Variants in TMEM50B observed in about 807,000 individuals in gnomAD.
The protein encoded by TMEM50B is transmembrane protein 50B.
A neutral mutation model predicts 23.4 loss-of-function variants in TMEM50B; 14 were observed. The ratio of observed to expected loss-of-function variants is 0.60; its 90% CI spans 0.39 to 0.93. TMEM50B has a LOEUF of 0.93. Among genes scored for constraint, TMEM50B ranks in the 40% least tolerant of loss-of-function variants. TMEM50B has a pLI of 0.00. For synonymous variants in TMEM50B, 64 were observed against 62.3 expected, an observed-to-expected ratio of 1.03 and a Z score of -0.13; for missense variants, 159 against 193.0, an observed-to-expected ratio of 0.82 and a Z score of 1.04.
At chr21:33,438,668 G>A (rs878867055) in intron 8 of TMEM50B, among the ~76,000 whole-genome samples, 1 of 151,894 alleles carries the variant, frequency 6.6e-6, no homozygotes, top group African/African-American at 2.4e-5. Context: ...TGTGGTGGCA[G>A]GCACCTATAA....
downstream of TMEM50B, among the ~76,000 whole-genome samples, chr21:33,448,455 T>C (rs1568974230): frequency 6.6e-6 from 1 of 151,958 alleles, no homozygotes; most frequent in Admixed American, 6.6e-5. Context: ...CAGAACAGCA[T>C]AGTGAGACCC....
At chr21:33,462,307 A>G (rs1290694994) in intron 4 of TMEM50B, among the ~76,000 whole-genome samples, 1 of 152,208 alleles carries the variant, frequency 6.6e-6, no homozygotes, top group Non-Finnish European at 1.5e-5. Flanking sequence ...TTGAAACACT[A>G]AACAGAAATT....
At chr21:33,435,651 G>A (rs539163004) in intron 8 of TMEM50B, among the ~76,000 whole-genome samples, 54 of 152,046 alleles carry the variant, frequency 3.6e-4, no homozygotes, top group African/African-American at 1.3e-3. Flanking sequence ...TTGAGAGGCC[G>A]AGGTGGGTGG....
At chr21:33,469,382 C>G (rs2084292420) in intron 1 of TMEM50B, 1 of 154,258 alleles carries the variant, frequency 6.5e-6, no homozygotes, top group Non-Finnish European at 1.4e-5. Flanking sequence ...ACCTGGAAGG[C>G]AGAGATTGCA....
At chr21:33,459,265 T>C (rs998332250) in intron 5 of TMEM50B, among the ~76,000 whole-genome samples, 2 of 152,228 alleles carry the variant, frequency 1.3e-5, no homozygotes, top group African/African-American at 4.8e-5. Flanking sequence ...GATTTCAGCA[T>C]GGTGTAATAA....
intron 5 of TMEM50B, among the ~76,000 whole-genome samples, chr21:33,459,855 A>C (rs2084202270): frequency 6.6e-6 from 1 of 151,770 alleles, no homozygotes; most frequent in African/African-American, 2.4e-5. Flanking sequence ...GAAAGCACAT[A>C]TACTACATAG....
At chr21:33,439,657 GGT>G (rs1240163719) in intron 7 of TMEM50B, among the ~76,000 whole-genome samples, 1 of 151,866 alleles carries the variant, frequency 6.6e-6, no homozygotes, top group African/African-American at 2.4e-5. Flanking sequence ...TGGGATTACA[GGT>G]GTGAGCCACT....
intron 7 of TMEM50B, among the ~76,000 whole-genome samples, chr21:33,442,599 T>A (rs2084017469): frequency 6.6e-6 from 1 of 151,980 alleles, no homozygotes; most frequent in Non-Finnish European, 1.5e-5. Context: ...TTACTTTACA[T>A]CCATATACCT....
At chr21:33,440,615 G>T (rs2083999715) in intron 7 of TMEM50B, among the ~76,000 whole-genome samples, 1 of 151,212 alleles carries the variant, frequency 6.6e-6, no homozygotes, top group African/African-American at 2.4e-5. Flanking sequence ...GGGTGCGGGG[G>T]CTCACGCTTG....
At chr21:33,456,376 G>A (rs1442195176) in intron 5 of TMEM50B, among the ~76,000 whole-genome samples, 5 of 152,098 alleles carry the variant, frequency 3.3e-5, no homozygotes, top group Non-Finnish European at 7.4e-5. Flanking sequence ...CAATCCAGGA[G>A]TTTTATCATG....
At chr21:33,432,968 C>G (rs1175788759) in intron 8 of TMEM50B, 13 of 1,017,882 alleles carry the variant, frequency 1.3e-5, no homozygotes, top group African/African-American at 3.2e-5. Context: ...TCACTGCAGC[C>G]TCCATCTCCC....
intron 5 of TMEM50B, among the ~76,000 whole-genome samples, chr21:33,459,493 C>T (rs1398832688): frequency 1.3e-5 from 2 of 151,894 alleles, no homozygotes; most frequent in African/African-American, 2.4e-5. Context: ...TGGTGAAACC[C>T]TGTCTCTACT....
intron 6 of TMEM50B, among the ~76,000 whole-genome samples, chr21:33,455,518 G>A (rs189818469): frequency 3.3e-5 from 5 of 152,198 alleles, no homozygotes; most frequent in Non-Finnish European, 1.5e-5. Context: ...AATATATAAA[G>A]GATCCAGCTA....
At chr21:33,455,646 G>T in intron 6 of TMEM50B, 81 bp downstream of exon 6, 1 of 1,148,240 alleles carries the variant, frequency 8.7e-7, no homozygotes, top group Non-Finnish European at 1.3e-6. Context: ...GGATTTATAT[G>T]TGTTCCATAT....
At position 33,455,790 on chromosome 21, in the gene TMEM50B, T is replaced by A. The variant is rs767118010; in HGVS notation, c.374-6A>T. 6.2e-7 allele frequency: 1 copy of A among 1,612,196 alleles called. No homozygotes were observed. The highest frequency in any genetic ancestry group is 1.1e-5 in the South Asian group (1 of 91,016). On this transcript the variant is annotated splice_region_variant and splice_polypyrimidine_tract_variant and intron_variant, in intron 5 of 6. Coordinates refer to ENST00000542230, the MANE Select transcript of TMEM50B (RefSeq NM_006134.7). ...TCCCGGATAAACATCAGTATCTACA[T>A]ACACAAAGTAAAACAGATTAGACGG...
At chr21:33,448,407 G>A (rs2084085577), downstream of TMEM50B, among the ~76,000 whole-genome samples, 1 of 152,182 alleles carries the variant, frequency 6.6e-6, no homozygotes, top group African/African-American at 2.4e-5. Flanking sequence ...AGCACTTTGT[G>A]AGGTTGAGGC....
intron 4 of TMEM50B, among the ~76,000 whole-genome samples, chr21:33,464,804 C>CA (rs59855166): frequency 0.012 from 1,257 of 100,730 alleles, 17 homozygotes; most frequent in African/African-American, 0.033. Flanking sequence ...AACTCCGTCT[C>CA]AAAAAAAAAA....
At chr21:33,461,195 A>G (rs1429230262) in intron 4 of TMEM50B, among the ~76,000 whole-genome samples, 1 of 152,222 alleles carries the variant, frequency 6.6e-6, no homozygotes, top group African/African-American at 2.4e-5. Context: ...AGGGGAAGAA[A>G]GCTCCACTGA....
At chr21:33,468,112 T>C (rs146355420) in intron 2 of TMEM50B, among the ~76,000 whole-genome samples, 44 of 147,554 alleles carry the variant, frequency 3.0e-4, no homozygotes, top group Middle Eastern at 3.6e-3. Context: ...GATGGAATTA[T>C]AAACCAAGAT....
Sources: allele counts gnomAD v4.1 joint callset (sites outside exome capture counted in the v4.1 genomes callset), GRCh38; gene constraint gnomAD v4.1.1; transcripts MANE v1.5; gene names NCBI Gene and HGNC (gene_info 2026-07-23, HGNC 2026-07-21).